The following CSMD1 variants were observed in gnomAD, a reference collection of about 807,000 sequenced individuals.
CSMD1 encodes the protein CUB and sushi domain-containing protein 1.
In CSMD1, 213 loss-of-function variants were observed where a neutral mutation model predicts 417.5. The observed-to-expected ratio is 0.51, with a 90% CI of 0.46 to 0.57. CSMD1 has a LOEUF of 0.57. Ranked by LOEUF, CSMD1 falls within the 20% of genes least tolerant of loss-of-function variation. The pLI, the probability that CSMD1 is intolerant of heterozygous loss-of-function variation, is 0.00. For synonymous variants in CSMD1, 2,862 were observed against 1,736.8 expected (o/e 1.65, Z -16.11); for missense variants, 6,923 against 4,529.7 (o/e 1.53, Z -15.17).
intron 3 of CSMD1, among the ~76,000 whole-genome samples, chr8:4,189,669 G>C (rs1046246863): frequency 6.6e-6 from 1 of 152,054 alleles, no homozygotes; most frequent in African/African-American, 2.4e-5. Flanking sequence ...ATTTATCATG[G>C]AATGCATTTG....
intron 52 of CSMD1, among the ~76,000 whole-genome samples, chr8:3,011,014 C>T (rs976019821): frequency 6.6e-6 from 1 of 152,158 alleles, no homozygotes; most frequent in African/African-American, 2.4e-5. Flanking sequence ...GCGTGAGCCA[C>T]CGCGCCCTGC....
At chr8:4,401,513 G>T (rs1442615433) in intron 3 of CSMD1, among the ~76,000 whole-genome samples, 1 of 152,024 alleles carries the variant, frequency 6.6e-6, no homozygotes, top group South Asian at 2.1e-4. Flanking sequence ...AACCTCCCAG[G>T]TCAGCTTCTA....
intron 23 of CSMD1, among the ~76,000 whole-genome samples, chr8:3,320,242 G>A (rs534890511): frequency 3.9e-5 from 6 of 152,240 alleles, no homozygotes; most frequent in East Asian, 1.9e-4. Flanking sequence ...GGAGAGGGAC[G>A]GAGGATGAGA....
chr8:3,854,677 G>A (rs1007784868), intron 5 of CSMD1, among the ~76,000 whole-genome samples: 1 of 151,800 alleles, frequency 6.6e-6, no homozygotes, highest in Admixed American at 6.6e-5. Flanking sequence ...GGGGGATGGA[G>A]AGTGGGCGAG....
chr8:4,570,534 G>C (rs368627243), intron 2 of CSMD1, among the ~76,000 whole-genome samples: 13 of 152,284 alleles, frequency 8.5e-5, no homozygotes, highest in African/African-American at 3.1e-4. Context: ...GATTTGATTT[G>C]CCAGTATTTT....
intron 2 of CSMD1, among the ~76,000 whole-genome samples, chr8:4,526,433 T>C (rs1310256533): frequency 6.6e-6 from 1 of 152,208 alleles, no homozygotes; most frequent in South Asian, 2.1e-4. Flanking sequence ...TGCCTAGTAC[T>C]AAAAAACTAT....
intron 1 of CSMD1, among the ~76,000 whole-genome samples, chr8:4,710,464 T>TTA (rs10660998): frequency 0.071 from 10,237 of 144,744 alleles, 778 homozygotes; most frequent in African/African-American, 0.2. Flanking sequence ...TAATGGAATA[T>TTA]TATATATATA....
At chr8:3,183,388 C>A (rs910031452) in intron 36 of CSMD1, among the ~76,000 whole-genome samples, 1 of 148,898 alleles carries the variant, frequency 6.7e-6, no homozygotes, top group African/African-American at 2.5e-5. Context: ...CCACCGACGT[C>A]ACGAACTGAA....
intron 3 of CSMD1, among the ~76,000 whole-genome samples, chr8:4,243,192 G>A (rs1421700292): frequency 1.3e-5 from 2 of 152,104 alleles, no homozygotes; most frequent in Admixed American, 6.5e-5. Flanking sequence ...TCTGGGCTGA[G>A]GAGGACATGG....
At position 3,032,665 on chromosome 8, in the gene CSMD1, T is replaced by C. The variant is rs955877053; in HGVS notation, c.7661-3152A>G. ...TTTCTAGTCACTGACATCAGAAGCC[T>C]GAAAACAGTGTCTTCCTGCAGTCCC... On this transcript the variant is annotated intron_variant, in intron 50 of 69. Coordinates refer to ENST00000635120, the MANE Select transcript of CSMD1 (RefSeq NM_033225.6). Among the ~76,000 whole-genome samples the C allele has an allele frequency of 2.6e-5, 4 of 151,978 alleles. 1 individual carries two copies. Among genetic ancestry groups the C allele is most frequent in the Non-Finnish European group, 5.9e-5 (4 of 67,936 alleles).
At chr8:4,361,061 C>T (rs1046967163) in intron 3 of CSMD1, among the ~76,000 whole-genome samples, 3 of 152,136 alleles carry the variant, frequency 2.0e-5, no homozygotes, top group Non-Finnish European at 2.9e-5. Flanking sequence ...CTGGATTTTT[C>T]GTGCCCAACA....
chr8:3,776,875 A>G (rs1025271888), intron 5 of CSMD1, among the ~76,000 whole-genome samples: 1 of 150,700 alleles, frequency 6.6e-6, no homozygotes, highest in African/African-American at 2.5e-5. Flanking sequence ...GATAGCTGAT[A>G]GATATAACTT....
chr8:4,836,766 G>A (rs926571399), intron 1 of CSMD1, among the ~76,000 whole-genome samples: 2 of 151,910 alleles, frequency 1.3e-5, no homozygotes, highest in African/African-American at 2.4e-5. Context: ...GTCTCCACAG[G>A]AGTCTTGACT....
chr8:4,768,461 C>T (rs1796430594), intron 1 of CSMD1, among the ~76,000 whole-genome samples: 1 of 152,154 alleles, frequency 6.6e-6, no homozygotes, highest in Non-Finnish European at 1.5e-5. Flanking sequence ...GCATTATTTG[C>T]AGTTGATTCT....
chr8:3,342,515 C>T (rs191718222), intron 23 of CSMD1, among the ~76,000 whole-genome samples: 5 of 152,344 alleles, frequency 3.3e-5, no homozygotes, highest in Admixed American at 2.6e-4. Flanking sequence ...TACTTATCCA[C>T]ACCAAATAGC....
At chr8:3,364,247 C>G (rs1021871134) in intron 20 of CSMD1, among the ~76,000 whole-genome samples, 1 of 152,082 alleles carries the variant, frequency 6.6e-6, no homozygotes, top group African/African-American at 2.4e-5. Flanking sequence ...AATTACTCCT[C>G]TAACATACCT....
At chr8:3,008,868 T>G (rs147233778) in intron 52 of CSMD1, among the ~76,000 whole-genome samples, 1 of 152,270 alleles carries the variant, frequency 6.6e-6, no homozygotes, top group East Asian at 1.9e-4. Context: ...CTGAGGTACT[T>G]GTTGGCCGAT....
intron 3 of CSMD1, among the ~76,000 whole-genome samples, chr8:4,360,715 C>T (rs530192348): frequency 4.4e-4 from 67 of 152,160 alleles, no homozygotes; most frequent in African/African-American, 1.6e-3. Flanking sequence ...GGATGGTCTC[C>T]GATCTCCTGA....
chr8:3,789,799 T>C (rs985358063), intron 5 of CSMD1, among the ~76,000 whole-genome samples: 5 of 149,688 alleles, frequency 3.3e-5, no homozygotes, highest in Non-Finnish European at 5.9e-5. Context: ...GGTGCTATCT[T>C]GGCTCACTGC....
Sources: gnomAD v4.1 joint callset for allele counts (sites outside exome capture counted in the v4.1 genomes callset) on GRCh38, gnomAD v4.1.1 for gene constraint, MANE v1.5 for transcripts, NCBI Gene and HGNC (gene_info 2026-07-23, HGNC 2026-07-21) for gene names.